Variants in ANK2 observed in about 807,000 individuals in gnomAD.
The protein encoded by ANK2 is ankyrin 2.
A neutral mutation model predicts 360.5 loss-of-function variants in ANK2; 83 were observed. The ratio of observed to expected loss-of-function variants is 0.23; its 90% CI spans 0.19 to 0.28. ANK2 has a LOEUF of 0.28. Among genes scored for constraint, ANK2 ranks in the 10% least tolerant of loss-of-function variants. ANK2 has a pLI of 1.00. For synonymous variants in ANK2, 1,740 were observed against 1,759.5 expected, an observed-to-expected ratio of 0.99 and a Z score of 0.28; for missense variants, 4,201 against 4,795.7, an observed-to-expected ratio of 0.88 and a Z score of 3.66.
At chr4:113,337,379 A>G (rs73841968) in intron 31 of ANK2, among the ~76,000 whole-genome samples, 3,314 of 152,246 alleles carry the variant, frequency 0.022, 134 homozygotes, top group African/African-American at 0.075. Context: ...GACAGCTACC[A>G]AACTCTCCAA....
chr4:113,102,550 C>T (rs567893479), intron 1 of ANK2, among the ~76,000 whole-genome samples: 8 of 151,878 alleles, frequency 5.3e-5, no homozygotes, highest in South Asian at 4.2e-4. Context: ...ATTTGAGTTC[C>T]GATAGAAAAG....
At chr4:113,325,341 G>A (rs2089208706) in intron 26 of ANK2, among the ~76,000 whole-genome samples, 1 of 152,164 alleles carries the variant, frequency 6.6e-6, no homozygotes, top group Admixed American at 6.5e-5. Flanking sequence ...AAAGGTTTAA[G>A]TAGGTTTCCT....
the ANK2 span, among the ~76,000 whole-genome samples, chr4:112,771,205 C>A: frequency 6.6e-6 from 1 of 152,180 alleles, no homozygotes; most frequent in Admixed American, 6.5e-5. Context: ...CTTCGCCTCC[C>A]GGGTTCAAGC....
At chr4:113,334,275 C>G (rs1391750050) in intron 29 of ANK2, among the ~76,000 whole-genome samples, 1 of 152,132 alleles carries the variant, frequency 6.6e-6, no homozygotes, top group African/African-American at 2.4e-5. Context: ...TATGTTAAGT[C>G]AATATCTTCT....
rs150632320 is a variant in ANK2 at position 113,033,346 on chromosome 4, G to T, written c.21+128832G>T. 3.1e-3 allele frequency among the ~76,000 whole-genome samples: 465 copies of T among 152,028 alleles called. 6 individuals carry two copies. The highest frequency in any genetic ancestry group is 0.011 in the African/African-American group (446 of 41,490). On this transcript the variant is annotated intron_variant, in intron 2 of 30. Transcript: ENST00000503271. The stretch of plus-strand genomic sequence containing the variant: ...CATGGTTATAATCCAATTAGTGGTC[G>T]ATCCAGGAATGGGATTCTTATGTTC...
the ANK2 span, among the ~76,000 whole-genome samples, chr4:112,743,933 A>G: frequency 6.6e-6 from 1 of 151,742 alleles, no homozygotes; most frequent in African/African-American, 2.4e-5. Context: ...GGTTCATCCA[A>G]TTCTCCTGCC....
intron 1 of ANK2, among the ~76,000 whole-genome samples, chr4:112,879,168 C>T (rs2076040447): frequency 6.6e-6 from 1 of 152,114 alleles, no homozygotes; most frequent in Non-Finnish European, 1.5e-5. Context: ...AAAAGGATTC[C>T]CAGCTCTTGG....
At chr4:113,001,607 C>A (rs1306799129) in intron 2 of ANK2, among the ~76,000 whole-genome samples, 1 of 152,040 alleles carries the variant, frequency 6.6e-6, no homozygotes, top group Non-Finnish European at 1.5e-5. Context: ...TCTAGTGACC[C>A]CTCATTCTTT....
intron 1 of ANK2, among the ~76,000 whole-genome samples, chr4:113,160,554 A>G (rs1220679649): frequency 6.6e-6 from 1 of 152,224 alleles, no homozygotes; most frequent in African/African-American, 2.4e-5. Flanking sequence ...GCTGCTTGAC[A>G]TTCCTATTGG....
At chr4:113,234,334 A>G (rs2099354074) in intron 5 of ANK2, among the ~76,000 whole-genome samples, 1 of 152,214 alleles carries the variant, frequency 6.6e-6, no homozygotes. Flanking sequence ...TTGCAAATAA[A>G]TCATGTGAGG....
intron 1 of ANK2, among the ~76,000 whole-genome samples, chr4:113,164,936 G>A (rs978015274): frequency 5.3e-5 from 8 of 152,148 alleles, no homozygotes; most frequent in Non-Finnish European, 7.4e-5. Flanking sequence ...TGTTACCAAA[G>A]GATCTCAAAA....
chr4:113,032,999 T>A (rs1232028701), intron 2 of ANK2, among the ~76,000 whole-genome samples: 1 of 152,068 alleles, frequency 6.6e-6, no homozygotes, highest in Non-Finnish European at 1.5e-5. Context: ...AGGAAAAGCA[T>A]GTGCGTCCAT....
chr4:113,049,001 T>C (rs959230678), upstream of ANK2, among the ~76,000 whole-genome samples: 8 of 151,444 alleles, frequency 5.3e-5, no homozygotes, highest in African/African-American at 1.9e-4. Flanking sequence ...CAAGAAAAGA[T>C]GGTTAGGTAT....
intron 1 of ANK2, chr4:112,904,438 CT>C (rs2084515187): frequency 1.5e-6 from 2 of 1,314,834 alleles, no homozygotes; most frequent in Non-Finnish European, 2.1e-6. Context: ...AATATTTTCT[CT>C]TTTTTATCCT....
chr4:113,014,510 G>A (rs1200913520), intron 2 of ANK2, among the ~76,000 whole-genome samples: 5 of 152,008 alleles, frequency 3.3e-5, no homozygotes, highest in African/African-American at 4.8e-5. Flanking sequence ...ATTCAAACCC[G>A]GATCTACCTA....
rs143128675 is a variant in ANK2 at position 113,173,114 on chromosome 4, T to C, written c.85-1302T>C. Among the ~76,000 whole-genome samples, 52 of 152,344 alleles carry C rather than the reference T, an allele frequency of 3.4e-4. No homozygotes were observed. In the East Asian group the frequency reaches 9.8e-3, roughly 29 times the overall value. On this transcript the variant is annotated intron_variant, in intron 1 of 45. Coordinates refer to ENST00000357077, the MANE Select transcript of ANK2 (RefSeq NM_001148.6). The stretch of plus-strand genomic sequence containing the variant: ...GATTTCAGTCACACCTTTCAACTCT[T>C]AATAAATAATCTATCTCATTTATAA...
chr4:113,107,783 G>A (rs184993638), intron 1 of ANK2, among the ~76,000 whole-genome samples: 2 of 152,070 alleles, frequency 1.3e-5, no homozygotes, highest in Admixed American at 1.3e-4. Flanking sequence ...TATTTCACTT[G>A]GTTCTGTTAG....
chr4:113,167,563 G>A (rs2097790388), intron 1 of ANK2, among the ~76,000 whole-genome samples: 1 of 152,040 alleles, frequency 6.6e-6, no homozygotes, highest in South Asian at 2.1e-4. Flanking sequence ...CCTCCCCAAA[G>A]TGCGGGGATT....
intron 1 of ANK2, among the ~76,000 whole-genome samples, chr4:113,124,291 AAC>A (rs2095535614): frequency 6.6e-6 from 1 of 152,210 alleles, no homozygotes; most frequent in Non-Finnish European, 1.5e-5. Context: ...TAGGACTCCT[AAC>A]ACAAGTCAAC....
Sources: allele counts gnomAD v4.1 joint callset (sites outside exome capture counted in the v4.1 genomes callset), GRCh38; gene constraint gnomAD v4.1.1; transcripts MANE v1.5; gene names NCBI Gene and HGNC (gene_info 2026-07-23, HGNC 2026-07-21).